Variants in DLC1 observed in about 807,000 individuals in gnomAD.
DLC1 encodes DLC1 Rho GTPase activating protein.
DLC1 carries 54 observed loss-of-function variants against 140.3 expected under a neutral mutation model. The observed-to-expected ratio is 0.38, with a 90% CI of 0.31 to 0.48. The LOEUF is 0.48. DLC1 is among the 20% of genes least tolerant of loss of function. DLC1 has a pLI of 0.96. For synonymous variants in DLC1, 986 were observed against 728.1 expected, an observed-to-expected ratio of 1.35 and a Z score of -5.70; for missense variants, 2,536 against 1,907.0, an observed-to-expected ratio of 1.33 and a Z score of -6.14.
intron 5 of DLC1, among the ~76,000 whole-genome samples, chr8:13,303,168 A>G (rs1832271846): frequency 6.6e-6 from 1 of 152,252 alleles, no homozygotes; most frequent in East Asian, 1.9e-4. Flanking sequence ...AAATCTAAAT[A>G]GAAATTCATT....
chr8:13,465,242 G>C (rs942531214), intron 2 of DLC1, among the ~76,000 whole-genome samples: 2 of 152,186 alleles, frequency 1.3e-5, no homozygotes, highest in African/African-American at 4.8e-5. Context: ...ACAAAATCGA[G>C]TGTTTCTAGG....
At chr8:13,576,325 G>A in intron 1 of DLC1, among the ~76,000 whole-genome samples, 1 of 152,100 alleles carries the variant, frequency 6.6e-6, no homozygotes, top group Non-Finnish European at 1.5e-5. Flanking sequence ...GCGCGGAGAA[G>A]GATCACCAAT....
chr8:13,390,526 A>T (rs376095513), intron 4 of DLC1, among the ~76,000 whole-genome samples: 6 of 152,182 alleles, frequency 3.9e-5, no homozygotes, highest in African/African-American at 1.4e-4. Context: ...CATATTTCTG[A>T]TTCTAGGTCC....
chr8:13,383,975 C>T (rs185588137), intron 4 of DLC1, among the ~76,000 whole-genome samples: 1 of 152,248 alleles, frequency 6.6e-6, no homozygotes, highest in Non-Finnish European at 1.5e-5. Flanking sequence ...TGCATAACAA[C>T]CCCCTCTTAA....
chr8:13,541,770 C>T (rs1276803150), intron 1 of DLC1, among the ~76,000 whole-genome samples: 2 of 152,118 alleles, frequency 1.3e-5, no homozygotes, highest in African/African-American at 2.4e-5. Flanking sequence ...AGGATGATCT[C>T]GATCTCCTGA....
rs562872899 is a variant in DLC1, at chr8:13,265,921, A to G, written c.1348+39348T>C. On this transcript the variant is annotated intron_variant, in intron 5 of 17. Coordinates refer to ENST00000276297, the MANE Select transcript of DLC1 (RefSeq NM_182643.3). ...TAAAATAGTGCAAAGGGCATTTACA[A>G]TGGATTTTCAGGCACTGCTTTGACA... Among the ~76,000 whole-genome samples the G allele has an allele frequency of 3.9e-4, 59 of 152,334 alleles. No individual in the cohort carries two copies. The South Asian group carries it at 7.1e-3, about 18-fold the overall frequency.
At chr8:13,305,735 G>T (rs182797882) in intron 4 of DLC1, among the ~76,000 whole-genome samples, 31 of 152,270 alleles carry the variant, frequency 2.0e-4, no homozygotes, top group African/African-American at 7.0e-4. Flanking sequence ...TACTTGGAAG[G>T]CTGAGGTAGG....
chr8:13,458,273 A>G (rs1475059090), intron 2 of DLC1, among the ~76,000 whole-genome samples: 1 of 152,206 alleles, frequency 6.6e-6, no homozygotes, highest in Non-Finnish European at 1.5e-5. Context: ...AATTTTGGCA[A>G]GATCCATAAT....
chr8:13,512,010 A>G (rs1802387694), intron 1 of DLC1, among the ~76,000 whole-genome samples: 1 of 152,120 alleles, frequency 6.6e-6, no homozygotes. Flanking sequence ...CAGAGAGAGA[A>G]AAAATTCTTT....
intron 5 of DLC1, among the ~76,000 whole-genome samples, chr8:13,211,163 G>T (rs1369932575): frequency 6.6e-6 from 1 of 152,144 alleles, no homozygotes; most frequent in African/African-American, 2.4e-5. Flanking sequence ...CAACGACCTG[G>T]AAGTTACATT....
chr8:13,222,268 C>G (rs1828594889), intron 5 of DLC1, among the ~76,000 whole-genome samples: 1 of 151,958 alleles, frequency 6.6e-6, no homozygotes, highest in South Asian at 2.1e-4. Context: ...TAGAGAAACC[C>G]ACATTTTCAA....
intron 1 of DLC1, chr8:13,567,862 A>G (rs1804507811): frequency 6.4e-6 from 10 of 1,551,886 alleles, no homozygotes; most frequent in Non-Finnish European, 8.7e-6. Context: ...AGATGGAAAT[A>G]GTGCTTGTCA....
chr8:13,184,351 T>C (rs1826221459), intron 5 of DLC1, among the ~76,000 whole-genome samples: 1 of 152,226 alleles, frequency 6.6e-6, no homozygotes, highest in African/African-American at 2.4e-5. Context: ...CTTTTGAATG[T>C]GTTTGCTCTT....
rs142342993 is a variant in DLC1 at position 13,112,689 on chromosome 8, T to G, written c.1421-1866A>C. ...TAACATTGTTTGAAGGTTGTGACAC[T>G]GTATTTTGCTTTTTTTTGTTTGTTT... On this transcript the variant is annotated intron_variant, in intron 6 of 17. Coordinates refer to ENST00000276297, the MANE Select transcript of DLC1 (RefSeq NM_182643.3). 8.1e-4 allele frequency among the ~76,000 whole-genome samples: 123 copies of G among 152,310 alleles called. 1 individual carries two copies. Among genetic ancestry groups the G allele is most frequent in the African/African-American group, 2.9e-3 (119 of 41,584 alleles).
At chr8:13,493,503 C>G (rs922312719) in intron 2 of DLC1, among the ~76,000 whole-genome samples, 2 of 152,100 alleles carry the variant, frequency 1.3e-5, no homozygotes, top group African/African-American at 2.4e-5. Flanking sequence ...GTGATCAGAT[C>G]TGGGTAATTA....
At chr8:13,332,886 C>A (rs1467553677) in intron 4 of DLC1, among the ~76,000 whole-genome samples, 2 of 152,054 alleles carry the variant, frequency 1.3e-5, no homozygotes, top group Non-Finnish European at 2.9e-5. Context: ...GACTGAGTCA[C>A]TGCTGAAATA....
chr8:13,393,044 A>G (rs1836836403), intron 4 of DLC1, among the ~76,000 whole-genome samples: 1 of 152,100 alleles, frequency 6.6e-6, no homozygotes, highest in South Asian at 2.1e-4. Context: ...ATATCAATCT[A>G]AATATATTTA....
At chr8:13,304,943 A>T (rs765619446) in intron 5 of DLC1, 19 of 1,021,726 alleles carry the variant, frequency 1.9e-5, no homozygotes, top group Non-Finnish European at 2.2e-5. Flanking sequence ...CTTGGTAATT[A>T]TTAATAACTA....
chr8:13,281,258 C>T (rs1455143596), intron 5 of DLC1, among the ~76,000 whole-genome samples: 1 of 152,224 alleles, frequency 6.6e-6, no homozygotes, highest in Non-Finnish European at 1.5e-5. Context: ...TAAGGATCCA[C>T]TGAATTTGGG....
Sources: allele counts gnomAD v4.1 joint callset (sites outside exome capture counted in the v4.1 genomes callset), GRCh38; gene constraint gnomAD v4.1.1; transcripts MANE v1.5; gene names NCBI Gene and HGNC (gene_info 2026-07-23, HGNC 2026-07-21).